The following OLFM3 variants were observed in gnomAD, a reference collection of about 807,000 sequenced individuals.
OLFM3 encodes noelin-3.
Under a neutral mutation model 48.6 loss-of-function variants are expected in OLFM3, and 20 were observed. The observed-to-expected ratio is 0.41, with a 90% confidence interval of 0.29 to 0.60. The LOEUF (loss-of-function observed/expected upper bound fraction) is 0.60. OLFM3 is among the 20% of genes least tolerant of loss of function. The pLI is 0.28. For synonymous variants in OLFM3, 222 were observed against 198.1 expected (o/e 1.12, Z -1.01); for missense variants, 437 against 544.3 (o/e 0.80, Z 1.96).
chr1:101,846,781 A>G lies in OLFM3; in HGVS notation c.70-9756T>C, dbSNP rs372427015. 1.5e-5 allele frequency: 19 copies of G among 1,243,750 alleles called. No individual in the cohort carries two copies. In the African/African-American group the frequency reaches 2.8e-4, roughly 18 times the overall value. The allele number at this position is 1,243,750 out of a possible 1,614,324, so 77.0% of individuals were successfully genotyped here. A position where few individuals can be genotyped will look rare whatever the true frequency, so the allele number is the denominator to read the frequency against. ...AGCAAAATCTTAGCCTTTGCAATTTACAAAACAAAGCCCACTAAATGCACT... is the reference window on the plus strand; with the variant it reads ...AGCAAAATCTTAGCCTTTGCAATTTGCAAAACAAAGCCCACTAAATGCACT... On this transcript the variant is annotated intron_variant, in intron 1 of 5. Transcript: ENST00000370103.
Position 101,940,073 on chromosome 1 carries a change from T to A in OLFM3, c.69+56675A>T, listed in dbSNP as rs112797575. ...ATTTACTAATGAATGTGGGAATTCA[T>A]ATGGGCCAGTAGGAGTGTAATAGAC... On this transcript the variant is annotated intron_variant, in intron 1 of 5. Coordinates refer to ENST00000370103, the MANE Select transcript of OLFM3 (RefSeq NM_058170.4). Among the ~76,000 whole-genome samples the A allele has an allele frequency of 6.5e-3, 987 of 152,266 alleles. 13 individuals are homozygous for A. The highest frequency in any genetic ancestry group is 0.023 in the African/African-American group (941 of 41,548).
chr1:101,822,289 C>T (rs1180431493), intron 4 of OLFM3, among the ~76,000 whole-genome samples: 1 of 152,080 alleles, frequency 6.6e-6, no homozygotes, highest in Non-Finnish European at 1.5e-5. Flanking sequence ...GAGCAAATCC[C>T]AGAAGTTGTT....
At chr1:101,986,309 C>A (rs1162680795) in intron 1 of OLFM3, among the ~76,000 whole-genome samples, 1 of 152,006 alleles carries the variant, frequency 6.6e-6, no homozygotes, top group African/African-American at 2.4e-5. Context: ...TCAGGATGAC[C>A]TACCAAAAGT....
chr1:101,986,211 G>A (rs1570692011), intron 1 of OLFM3, among the ~76,000 whole-genome samples: 1 of 152,000 alleles, frequency 6.6e-6, no homozygotes, highest in Middle Eastern at 3.2e-3. Flanking sequence ...TGATCCGCCC[G>A]CCTCGGCCTC....
At chr1:101,918,318 C>T (rs939597966) in intron 1 of OLFM3, among the ~76,000 whole-genome samples, 2 of 152,158 alleles carry the variant, frequency 1.3e-5, no homozygotes, top group African/African-American at 4.8e-5. Flanking sequence ...AAAAAGAACA[C>T]AAATTAATAT....
rs80070725 is a variant in OLFM3, at chr1:101,963,270, T to A, written c.69+33478A>T. 2.6e-5 allele frequency among the ~76,000 whole-genome samples: 4 copies of A among 152,324 alleles called. No individual in the cohort carries two copies. The East Asian group carries it at 7.7e-4, about 29-fold the overall frequency. ...GACAAACTCGAGGAGTACAGGCACC[T>A]CCATGATCACTCTCCTTGTTCTGCT... On this transcript the variant is annotated intron_variant, in intron 1 of 5. Transcript: ENST00000370103.
intron 1 of OLFM3, among the ~76,000 whole-genome samples, chr1:101,853,226 CT>C (rs1216710432): frequency 6.6e-6 from 1 of 152,046 alleles, no homozygotes; most frequent in Non-Finnish European, 1.5e-5. Flanking sequence ...CTCTGGCCCC[CT>C]GGCTGTTTCT....
intron 1 of OLFM3, among the ~76,000 whole-genome samples, chr1:101,960,012 T>C (rs1171937201): frequency 6.6e-6 from 1 of 152,114 alleles, no homozygotes; most frequent in Non-Finnish European, 1.5e-5. Context: ...AGGATAAAAG[T>C]GTTTCTTTTG....
intron 1 of OLFM3, among the ~76,000 whole-genome samples, chr1:101,896,593 C>T (rs1658211456): frequency 7.1e-6 from 1 of 141,802 alleles, no homozygotes; most frequent in African/African-American, 2.6e-5. Context: ...CTCTCCGGTT[C>T]ACGCCATTCT....
intron 1 of OLFM3, among the ~76,000 whole-genome samples, chr1:101,958,447 T>C (rs183482175): frequency 1.3e-5 from 2 of 152,202 alleles, no homozygotes; most frequent in South Asian, 2.1e-4. Context: ...CCAATTCATA[T>C]AATTTATTAG....
intron 1 of OLFM3, chr1:101,882,872 T>G (rs1383927772): frequency 1.3e-5 from 2 of 151,924 alleles, no homozygotes; most frequent in Non-Finnish European, 2.9e-5. Context: ...CCTGATCACC[T>G]GTTTTACAGT....
At position 101,804,673 on chromosome 1, in the gene OLFM3, A is replaced by G. The variant is rs141782605; in HGVS notation, c.942T>C (p.His314=). 14 of 1,612,480 alleles carry G rather than the reference A, an allele frequency of 8.7e-6. No homozygotes were observed. Among genetic ancestry groups the G allele is most frequent in the Middle Eastern group, 1.6e-4 (1 of 6,070 alleles). The change falls in exon 6 of 6, where the codon CAT becomes CAC. Residue 314 remains histidine (H), a synonymous_variant. Transcript: ENST00000370103. This position sits in a 1 kb window ranked among gnomAD's most constrained non-coding sequence, Gnocchi z 4.5. The part of the protein sequence containing the change: ...AQRSLEYAGF[H]NVYPYTWGGF... ...CACCCCATGTGTAGGGGTAAACATT[A>G]TGAAAACCAGCATACTCCAGGCTTC...
chr1:101,884,806 CT>C (rs1657681615), intron 1 of OLFM3, among the ~76,000 whole-genome samples: 1 of 151,942 alleles, frequency 6.6e-6, no homozygotes, highest in Non-Finnish European at 1.5e-5. Flanking sequence ...TTTTAAAGTT[CT>C]TTTGATATTG....
intron 1 of OLFM3, among the ~76,000 whole-genome samples, chr1:101,873,147 T>C (rs1259506331): frequency 3.3e-5 from 5 of 151,906 alleles, no homozygotes; most frequent in African/African-American, 1.2e-4. Context: ...AAGAACTGAA[T>C]GGCTTCATAG....
chr1:101,811,983 A>G (rs1033758162), intron 4 of OLFM3, among the ~76,000 whole-genome samples: 1 of 152,236 alleles, frequency 6.6e-6, no homozygotes, highest in South Asian at 2.1e-4. Context: ...TGGCACATAT[A>G]CACCATGGAA....
At chr1:101,869,786 C>T (rs565072796) in intron 1 of OLFM3, among the ~76,000 whole-genome samples, 21 of 152,154 alleles carry the variant, frequency 1.4e-4, no homozygotes, top group South Asian at 1.2e-3. Context: ...TGAGTTCTCA[C>T]GATATCTGAT....
At chr1:101,913,257 T>C (rs1421755324) in intron 1 of OLFM3, among the ~76,000 whole-genome samples, 1 of 152,190 alleles carries the variant, frequency 6.6e-6, no homozygotes, top group Non-Finnish European at 1.5e-5. Flanking sequence ...GACATTTTAA[T>C]TGAAAGGTTA....
chr1:101,840,702 C>T (rs1353517760), intron 1 of OLFM3, among the ~76,000 whole-genome samples: 1 of 152,158 alleles, frequency 6.6e-6, no homozygotes, highest in African/African-American at 2.4e-5. Context: ...CACTCCTGGA[C>T]TCAGGCAATC....
intron 1 of OLFM3, among the ~76,000 whole-genome samples, chr1:101,876,525 T>G (rs919293987): frequency 2.6e-5 from 4 of 152,008 alleles, no homozygotes; most frequent in African/African-American, 4.8e-5. Context: ...GGGCAGCCAA[T>G]TTAATAGCTC....
Sources: gnomAD v4.1 joint callset for allele counts (sites outside exome capture counted in the v4.1 genomes callset) on GRCh38, gnomAD v4.1.1 for gene constraint, Gnocchi (gnomAD v3.1) non-coding constraint, MANE v1.5 for transcripts, NCBI Gene and HGNC (gene_info 2026-07-23, HGNC 2026-07-21) for gene names.